RBFOX1: variants seen among roughly 807,000 people sequenced by gnomAD.
RBFOX1 encodes RNA binding fox-1 homolog 1.
In RBFOX1, 8 loss-of-function variants were observed where a neutral mutation model predicts 57.7. The observed-to-expected ratio is 0.14, with a 90% CI of 0.08 to 0.25. The LOEUF (loss-of-function observed/expected upper bound fraction) is 0.25, where lower values mean the gene tolerates loss of function less well. Ranked by LOEUF, RBFOX1 falls within the 10% of genes least tolerant of loss-of-function variation. The pLI is 1.00. For synonymous variants in RBFOX1, 326 were observed against 222.4 expected (o/e 1.47, Z -4.15); for missense variants, 611 against 548.5 (o/e 1.11, Z -1.14).
intron 4 of RBFOX1, among the ~76,000 whole-genome samples, chr16:7,397,554 G>A (rs994939834): frequency 1.6e-4 from 25 of 152,128 alleles, no homozygotes; most frequent in African/African-American, 5.8e-4. Flanking sequence ...TCTGAACTTT[G>A]AAAGTCAGTA....
intron 3 of RBFOX1, among the ~76,000 whole-genome samples, chr16:6,734,516 C>G (rs1296614253): frequency 6.6e-6 from 1 of 152,172 alleles, no homozygotes; most frequent in Non-Finnish European, 1.5e-5. Flanking sequence ...AAACCACTTA[C>G]TTGAATTCTC....
intron 3 of RBFOX1, among the ~76,000 whole-genome samples, chr16:6,658,139 A>T (rs371526006): frequency 6.6e-6 from 1 of 151,988 alleles, no homozygotes; most frequent in Non-Finnish European, 1.5e-5. Context: ...CTTCCTTTCA[A>T]TGGGGCCGAT....
intron 2 of RBFOX1, among the ~76,000 whole-genome samples, chr16:6,431,298 C>A (rs1158905135): frequency 6.6e-6 from 1 of 151,760 alleles, no homozygotes; most frequent in African/African-American, 2.4e-5. Flanking sequence ...TGCAAAGAGT[C>A]AAGAAGGATA....
intron 1 of RBFOX1, among the ~76,000 whole-genome samples, chr16:6,230,479 C>G (rs1028942660): frequency 6.6e-6 from 1 of 152,108 alleles, no homozygotes; most frequent in Non-Finnish European, 1.5e-5. Flanking sequence ...TGCTTTTAAC[C>G]TGGTAGTGTA....
At chr16:6,952,059 G>T (rs1238117246) in intron 3 of RBFOX1, among the ~76,000 whole-genome samples, 1 of 152,186 alleles carries the variant, frequency 6.6e-6, no homozygotes, top group Non-Finnish European at 1.5e-5. Context: ...CTCATACGTG[G>T]TTGATCAGAT....
At chr16:6,863,865 A>T (rs1437455784) in intron 3 of RBFOX1, among the ~76,000 whole-genome samples, 2 of 151,296 alleles carry the variant, frequency 1.3e-5, no homozygotes, top group Non-Finnish European at 2.9e-5. Flanking sequence ...CAAGTTCTTT[A>T]CTGGTATTTT....
chr16:7,050,132 C>T (rs567772962), intron 3 of RBFOX1, among the ~76,000 whole-genome samples: 19 of 146,730 alleles, frequency 1.3e-4, no homozygotes, highest in Non-Finnish European at 2.5e-4. Context: ...TCACCTATTT[C>T]AGGTGTATAA....
intron 3 of RBFOX1, among the ~76,000 whole-genome samples, chr16:6,791,557 G>C (rs553523396): frequency 6.6e-6 from 1 of 152,076 alleles, no homozygotes; most frequent in African/African-American, 2.4e-5. Flanking sequence ...TCAGGAGTTC[G>C]AAACCAACCT....
chr16:5,308,373 C>T (rs975892979), intron 1 of RBFOX1, among the ~76,000 whole-genome samples: 9 of 151,586 alleles, frequency 5.9e-5, no homozygotes, highest in Admixed American at 3.9e-4. Context: ...TGCCTTTGTC[C>T]GCTCCCAAGA....
rs544761479 is a variant in RBFOX1, at chr16:5,911,592, G to T, written c.351+44257G>T. Among the ~76,000 whole-genome samples, 13 of 152,298 alleles carry T rather than the reference G, an allele frequency of 8.5e-5. No individual in the cohort carries two copies. The South Asian group carries it at 2.7e-3, about 32-fold the overall frequency. On this transcript the variant is annotated intron_variant, in intron 4 of 19. Transcript: ENST00000641259. ...TCCCATTTCTAGCTTCTGACGGGGG[G>T]TGCGGAGGCATTGTTTTACTCTGTT... is the stretch of plus-strand genomic sequence containing the variant.
intron 3 of RBFOX1, among the ~76,000 whole-genome samples, chr16:6,809,522 G>T (rs948047895): frequency 5.3e-5 from 8 of 152,150 alleles, no homozygotes; most frequent in African/African-American, 1.9e-4. Flanking sequence ...CCAGGAGGCA[G>T]TGTGGAATAA....
intron 4 of RBFOX1, among the ~76,000 whole-genome samples, chr16:7,342,241 T>C (rs899526374): frequency 1.8e-4 from 28 of 152,172 alleles, no homozygotes; most frequent in African/African-American, 6.0e-4. Context: ...CCAAGTGTAC[T>C]CTACTCACAA....
At chr16:5,942,477 A>G (rs2059302548) in intron 4 of RBFOX1, among the ~76,000 whole-genome samples, 1 of 152,218 alleles carries the variant, frequency 6.6e-6, no homozygotes, top group Non-Finnish European at 1.5e-5. Flanking sequence ...AGGTTCTACA[A>G]TAGTAATGTT....
At chr16:6,015,916 A>C (rs1359473478), upstream of RBFOX1, among the ~76,000 whole-genome samples, 1 of 152,204 alleles carries the variant, frequency 6.6e-6, no homozygotes, top group Non-Finnish European at 1.5e-5. Flanking sequence ...TCTAGTTTAT[A>C]TACTAAATGG....
chr16:5,870,373 CAAA>C (rs59398844), intron 4 of RBFOX1, among the ~76,000 whole-genome samples: 37 of 91,086 alleles, frequency 4.1e-4, no homozygotes, highest in South Asian at 1.6e-3. Flanking sequence ...ATTTGTATGG[CAAA>C]AAAAAAAAAA....
intron 2 of RBFOX1, among the ~76,000 whole-genome samples, chr16:5,548,346 C>T (rs1321087175): frequency 1.3e-5 from 2 of 151,110 alleles, no homozygotes; most frequent in Admixed American, 1.3e-4. Flanking sequence ...ACTTGAGTAA[C>T]AAACCTGCGC....
chr16:6,083,028 G>T (rs545083335), intron 1 of RBFOX1, among the ~76,000 whole-genome samples: 1 of 147,558 alleles, frequency 6.8e-6, no homozygotes, highest in East Asian at 2.0e-4. Context: ...TTTAGATGGA[G>T]TCTTGCTCTG....
At chr16:7,564,158 C>T (rs1474886946) in intron 5 of RBFOX1, among the ~76,000 whole-genome samples, 2 of 151,990 alleles carry the variant, frequency 1.3e-5, no homozygotes, top group African/African-American at 2.4e-5. Flanking sequence ...TAATTTAAGG[C>T]CACGAGAGTA....
intron 3 of RBFOX1, among the ~76,000 whole-genome samples, chr16:6,978,717 A>G (rs1182797859): frequency 6.6e-6 from 1 of 152,202 alleles, no homozygotes. Flanking sequence ...GATGTGATAA[A>G]TCTCAGAGTA....
Sources: allele counts gnomAD v4.1 joint callset (sites outside exome capture counted in the v4.1 genomes callset), GRCh38; gene constraint gnomAD v4.1.1; transcripts MANE v1.5; gene names NCBI Gene and HGNC (gene_info 2026-07-23, HGNC 2026-07-21).